The following UBA3 variants were observed in gnomAD, a reference collection of about 807,000 sequenced individuals.
The protein encoded by UBA3 is ubiquitin like modifier activating enzyme 3.
A neutral mutation model predicts 73.5 loss-of-function variants in UBA3; 26 were observed. The ratio of observed to expected loss-of-function variants is 0.35; its 90% confidence interval spans 0.26 to 0.49. The LOEUF (loss-of-function observed/expected upper bound fraction) is 0.49, where lower values mean the gene tolerates loss of function less well. Among genes scored for constraint, UBA3 ranks in the 20% least tolerant of loss-of-function variants. UBA3 has a pLI of 0.98. For missense variants in UBA3, 495 were observed against 555.6 expected (o/e 0.89, Z 1.10); for synonymous variants, 217 against 191.2 (o/e 1.13, Z -1.11).
At chr3:69,058,739 C>G (rs1261415907) in intron 11 of UBA3, among the ~76,000 whole-genome samples, 5 of 152,170 alleles carry the variant, frequency 3.3e-5, no homozygotes, top group Non-Finnish European at 7.3e-5. Flanking sequence ...CATACCCCTG[C>G]CCTTCGACCA....
At chr3:69,064,517 G>A (rs1398371805) in intron 6 of UBA3, among the ~76,000 whole-genome samples, 2 of 152,298 alleles carry the variant, frequency 1.3e-5, no homozygotes, top group Admixed American at 6.5e-5. Context: ...ATTTTGCTAG[G>A]TGATTTTAAG....
intron 14 of UBA3, 48 bp from the exon 15 acceptor site, chr3:69,056,331 T>TA: frequency 1.5e-6 from 2 of 1,348,034 alleles, no homozygotes; most frequent in Non-Finnish European, 2.0e-6. Flanking sequence ...GCACCAATAT[T>TA]AGTCTCTTTT....
chr3:69,067,606 C>A (rs943325464), intron 6 of UBA3, among the ~76,000 whole-genome samples: 1 of 152,194 alleles, frequency 6.6e-6, no homozygotes, highest in African/African-American at 2.4e-5. Context: ...TTAATTGGAT[C>A]CAGCCTAGGA....
In UBA3 at chr3:69,055,409, T is replaced by C. The variant is rs1693441677; in HGVS notation, c.*28A>G. 2 of 1,375,076 alleles carry C rather than the reference T, an allele frequency of 1.5e-6. No homozygotes were observed. The highest frequency in any genetic ancestry group is 2.8e-5 in the Admixed American group (1 of 36,010). 85.2% of individuals were successfully genotyped at this position (1,375,076 alleles called of 1,614,324 possible). On this transcript the variant is annotated 3_prime_UTR_variant, in exon 18 of 18. Transcript: ENST00000361055. ...GCATCCACAAAGTATATTATTTCCA[T>C]GAGTTTTCTATTATGTGGAGATTTT...
intron 6 of UBA3, among the ~76,000 whole-genome samples, chr3:69,064,889 A>ATT (rs1446743394): frequency 6.6e-6 from 1 of 152,312 alleles, no homozygotes; most frequent in South Asian, 2.1e-4. Context: ...TCCACTATAA[A>ATT]TTTTTTAAAA....
chr3:69,059,911 T>C (rs765535315), intron 11 of UBA3, among the ~76,000 whole-genome samples: 10 of 152,204 alleles, frequency 6.6e-5, no homozygotes, highest in South Asian at 4.1e-4. Context: ...ATTTGGCTAC[T>C]ATGACTAACT....
intron 4 of UBA3, among the ~76,000 whole-genome samples, chr3:69,073,046 GTC>G (rs984857376): frequency 1.3e-5 from 2 of 152,222 alleles, no homozygotes; most frequent in African/African-American, 2.4e-5. Flanking sequence ...AATCTAATTA[GTC>G]TCTCTGTTTC....
chr3:69,067,132 G>C (rs1374666383), intron 6 of UBA3, among the ~76,000 whole-genome samples: 9 of 151,956 alleles, frequency 5.9e-5, no homozygotes, highest in African/African-American at 2.2e-4. Flanking sequence ...TAGAAACTAT[G>C]GTATATATGT....
intron 11 of UBA3, 82 bp downstream of exon 11, chr3:69,061,732 C>A: frequency 1.2e-6 from 1 of 858,992 alleles, no homozygotes; most frequent in Middle Eastern, 2.3e-4. Flanking sequence ...ACTGTCTAAA[C>A]TCACTTATCG....
chr3:69,067,146 C>T (rs985005052), intron 6 of UBA3, among the ~76,000 whole-genome samples: 1 of 152,154 alleles, frequency 6.6e-6, no homozygotes, highest in Non-Finnish European at 1.5e-5. Context: ...TATATGTATA[C>T]AAATTTAGGG....
intron 3 of UBA3, 83 bp downstream of exon 3, chr3:69,077,715 A>C: frequency 7.3e-7 from 1 of 1,378,106 alleles, no homozygotes; most frequent in Admixed American, 2.6e-5. Context: ...TTTCATTGTA[A>C]GAGCAAATTA....
chr3:69,078,663 G>A (rs1293279322), intron 2 of UBA3, among the ~76,000 whole-genome samples: 2 of 151,980 alleles, frequency 1.3e-5, no homozygotes, highest in African/African-American at 2.4e-5. Context: ...TAGTAGAGAC[G>A]GGTTTCGCCA....
chr3:69,057,547 A>G (rs2091984764), intron 11 of UBA3, among the ~76,000 whole-genome samples: 1 of 152,230 alleles, frequency 6.6e-6, no homozygotes, highest in South Asian at 2.1e-4. Context: ...TAGAAAGGTG[A>G]AACAATAACA....
chr3:69,079,859 A>G (rs2092202672), intron 2 of UBA3: 2 of 490,494 alleles, frequency 4.1e-6, no homozygotes, highest in African/African-American at 2.1e-5. Flanking sequence ...CCTTTACGTC[A>G]AGCACCCCGG....
At chr3:69,062,299 T>G (rs1359772077) in intron 9 of UBA3, 120 bp from the exon 10 acceptor site, 1 of 695,776 alleles carries the variant, frequency 1.4e-6, no homozygotes, top group East Asian at 2.7e-5. Flanking sequence ...AAATATTGTA[T>G]ACCATTAAAA....
At chr3:69,070,301 C>T (rs1407621533) in intron 5 of UBA3, among the ~76,000 whole-genome samples, 1 of 152,172 alleles carries the variant, frequency 6.6e-6, no homozygotes, top group Non-Finnish European at 1.5e-5. Flanking sequence ...TTAAGGGTCA[C>T]ACTGCAATTA....
intron 4 of UBA3, chr3:69,075,139 T>C (rs1317213013): frequency 6.2e-6 from 1 of 161,110 alleles, no homozygotes; most frequent in Non-Finnish European, 1.3e-5. Context: ...TCATTGAAGT[T>C]AGGAGCGTTT....
In UBA3 at chr3:69,061,850, A is replaced by T; in HGVS notation, c.874T>A (p.Tyr292Asn). The change falls in exon 11 of 18, where the codon TAT (tyrosine) becomes AAT (asparagine). Residue 292 changes from tyrosine (Y) to asparagine (N), a missense_variant. Physicochemically the swap from Tyr to Asn is moderately radical, Grantham distance 143. Coordinates refer to ENST00000361055, the MANE Select transcript of UBA3 (RefSeq NM_003968.4). ...FQKSLERASQ[Y>N]NIRGVTYRLT... ...CTATACGTAACACCCCTAATATTAT[A>T]TTGTGATGCTCTCTCTAGGGATTTT... 1 of 1,610,220 alleles carries T rather than the reference A, an allele frequency of 6.2e-7. No individual in the cohort carries two copies. The highest frequency in any genetic ancestry group is 8.5e-7 in the Non-Finnish European group (1 of 1,178,584).
rs796784390 is a variant in UBA3 at position 69,067,941 on chromosome 3, A to C, written c.415T>G (p.Cys139Gly). Residue 139 changes from cysteine to glycine, a missense_variant, in exon 6 of 18, where the codon TGC becomes GGC. Physicochemically the swap from Cys to Gly is radical, Grantham distance 159. Coordinates refer to ENST00000361055, the MANE Select transcript of UBA3 (RefSeq NM_003968.4). The stretch of plus-strand genomic sequence containing the variant: ...TCAAAAGGATACGGAACTACATTGC[A>C]ATTAGGAACTCTGTCATTTAGAAAT... ...AEFLNDRVPN[C>G]NVVPHFNKIQ... The C allele has an allele frequency of 1.2e-6, 2 of 1,606,578 alleles. No individual in the cohort carries two copies. Among genetic ancestry groups the C allele is most frequent in the South Asian group, 2.2e-5 (2 of 89,870 alleles).
Sources: allele counts gnomAD v4.1 joint callset (sites outside exome capture counted in the v4.1 genomes callset), GRCh38; gene constraint gnomAD v4.1.1; transcripts MANE v1.5; gene names NCBI Gene and HGNC (gene_info 2026-07-23, HGNC 2026-07-21).